Variants in SCN3A observed in about 807,000 individuals in gnomAD.
SCN3A encodes the protein sodium voltage-gated channel alpha subunit 3.
In SCN3A, 60 loss-of-function variants were observed where a neutral mutation model predicts 187.6. That is an observed-to-expected ratio of 0.32 (90% confidence interval 0.26 to 0.40). The LOEUF (loss-of-function observed/expected upper bound fraction) is 0.40. Ranked by LOEUF, SCN3A falls within the 10% of genes least tolerant of loss-of-function variation. SCN3A has a pLI of 1.00. For missense variants in SCN3A, 1,601 were observed against 2,428.2 expected, an observed-to-expected ratio of 0.66 and a Z score of 7.16; for synonymous variants, 788 against 829.2, an observed-to-expected ratio of 0.95 and a Z score of 0.85.
chr2:165,101,905 A>C lies in SCN3A; in HGVS notation c.3844-1481T>G, dbSNP rs116634302. On this transcript the variant is annotated intron_variant, in intron 21 of 27. Coordinates refer to ENST00000283254, the MANE Select transcript of SCN3A (RefSeq NM_006922.4). ...ATTTAGCATACATTTTAAGAATTGA[A>C]CAGAATAATACATGACTTGACTGCT... is the stretch of plus-strand genomic sequence containing the variant. 7.0e-3 allele frequency among the ~76,000 whole-genome samples: 1,068 copies of C among 152,334 alleles called. 6 individuals carry two copies. Among genetic ancestry groups the C allele is most frequent in the African/African-American group, 0.024 (1,000 of 41,566 alleles).
At chr2:165,182,025 T>C (rs975139689) in intron 2 of SCN3A, among the ~76,000 whole-genome samples, 14 of 152,356 alleles carry the variant, frequency 9.2e-5, no homozygotes, top group African/African-American at 3.1e-4. Context: ...TTGATGCTAC[T>C]GCATTGATTC....
At chr2:165,158,458 A>T (rs926255864) in intron 9 of SCN3A, among the ~76,000 whole-genome samples, 1 of 136,802 alleles carries the variant, frequency 7.3e-6, no homozygotes, top group Non-Finnish European at 1.5e-5. Flanking sequence ...TGTGTTATAA[A>T]GGTCTATGAG....
intron 18 of SCN3A, among the ~76,000 whole-genome samples, chr2:165,116,237 TGA>T (rs1455908658): frequency 1.3e-5 from 2 of 152,200 alleles, no homozygotes; most frequent in Non-Finnish European, 2.9e-5. Context: ...GAATTCTAAA[TGA>T]AATGGAAATT....
intron 18 of SCN3A, among the ~76,000 whole-genome samples, chr2:165,124,477 T>C (rs1242330451): frequency 6.6e-6 from 1 of 152,196 alleles, no homozygotes; most frequent in Non-Finnish European, 1.5e-5. Flanking sequence ...TTTATGCTAC[T>C]TTGTCTCTAG....
At chr2:165,200,858 A>G (rs576076734) in intron 1 of SCN3A, among the ~76,000 whole-genome samples, 1 of 152,242 alleles carries the variant, frequency 6.6e-6, no homozygotes, top group Non-Finnish European at 1.5e-5. Flanking sequence ...GGAGGAAAGC[A>G]GGGATTTTGC....
At chr2:165,115,375 T>A (rs1686317681) in intron 19 of SCN3A, 80 bp downstream of exon 19, 3 of 1,580,006 alleles carry the variant, frequency 1.9e-6, no homozygotes, top group Admixed American at 1.7e-5. Flanking sequence ...TTTCATAAAT[T>A]TTTTTTTTTA....
chr2:165,168,854 G>C (rs1689936354), intron 4 of SCN3A, 29 bp from the exon 5 acceptor site: 2 of 1,502,020 alleles, frequency 1.3e-6, no homozygotes, highest in Admixed American at 1.7e-5. Context: ...ATAAATGTTA[G>C]TAGGTTACCA....
rs1368171596 is a variant in SCN3A, at chr2:165,090,720, A to C, written c.5433T>G (p.Ser1811=). Residue 1811 remains serine, a synonymous_variant, in exon 28 of 28, where the codon TCT becomes TCG. Transcript: ENST00000283254. The surrounding 1 kb of genome is among the most constrained non-coding windows in gnomAD (Gnocchi z 4.0). ...GGGCAGCTGCAAAATCAGAGAGTTT[A>C]GAGAACTCTATAAACTGGGTCGCAT... ...DPDATQFIEF[S]KLSDFAAALD... is the part of the protein sequence containing the mutation. The C allele has an allele frequency of 1.2e-6, 2 of 1,614,012 alleles. No homozygotes were observed. Among genetic ancestry groups the C allele is most frequent in the Admixed American group, 3.3e-5 (2 of 59,982 alleles).
intron 2 of SCN3A, among the ~76,000 whole-genome samples, chr2:165,178,887 A>G (rs937577297): frequency 6.6e-6 from 1 of 152,186 alleles, no homozygotes. Flanking sequence ...GTCAATTTTG[A>G]TGATCACATC....
intron 2 of SCN3A, among the ~76,000 whole-genome samples, chr2:165,183,989 T>C (rs933147351): frequency 2.6e-5 from 4 of 152,118 alleles, no homozygotes; most frequent in African/African-American, 9.7e-5. Flanking sequence ...CAAGAGACTA[T>C]TATAGTAAGG....
chr2:165,190,160 T>C (rs1179449758), intron 1 of SCN3A, among the ~76,000 whole-genome samples: 3 of 152,138 alleles, frequency 2.0e-5, no homozygotes, highest in Non-Finnish European at 4.4e-5. Context: ...AGAGGTAACT[T>C]CAAATGGGCA....
At chr2:165,189,355 A>C (rs1337952953) in intron 1 of SCN3A, among the ~76,000 whole-genome samples, 2 of 152,190 alleles carry the variant, frequency 1.3e-5, no homozygotes, top group Admixed American at 6.5e-5. Flanking sequence ...GAAGGTGATG[A>C]GATAAGATGG....
At position 165,170,644 on chromosome 2, in the gene SCN3A, T is replaced by G. The variant is rs1252004008; in HGVS notation, c.265-96A>C. The stretch of plus-strand genomic sequence containing the variant: ...GAACTTTTTAAAAAATAGAATTTGT[T>G]TGTTCAAACTTGTTTGTTTAAACCA... On this transcript the variant is annotated intron_variant, in intron 3 of 27. Transcript: ENST00000283254. 9.2e-6 allele frequency: 7 copies of G among 762,158 alleles called. No individual in the cohort carries two copies. In the Middle Eastern group the frequency reaches 1.2e-3, roughly 130 times the overall value. 47.2% of individuals were successfully genotyped at this position (762,158 alleles called of 1,614,324 possible). A position where few individuals can be genotyped will look rare whatever the true frequency, so the allele number is the denominator to read the frequency against.
chr2:165,142,767 T>TTGTTC (rs1205581007), intron 12 of SCN3A, among the ~76,000 whole-genome samples: 10 of 119,842 alleles, frequency 8.3e-5, no homozygotes, highest in African/African-American at 2.9e-4. Context: ...TGTTGTTGTT[T>TTGTTC]TGAGGCAGAG....
At chr2:165,101,489 G>A (rs1685601105) in intron 21 of SCN3A, among the ~76,000 whole-genome samples, 1 of 151,966 alleles carries the variant, frequency 6.6e-6, no homozygotes, top group Non-Finnish European at 1.5e-5. Context: ...GAGTAGAATT[G>A]GCGATTTGAA....
In SCN3A at chr2:165,112,995, T is replaced by C; in HGVS notation, c.3733A>G (p.Lys1245Glu). 6.2e-7 allele frequency: 1 copy of C among 1,613,166 alleles called. No individual in the cohort carries two copies. ...TIKTMLEYAD[K>E]VFTYIFILEM... ...AGAATGAATATATAGGTAAAGACTT[T>C]GTCAGCATATTCTAGCATGGTTTTG... The change falls in exon 21 of 28, where the codon AAA becomes GAA. Residue 1245 changes from lysine to glutamate, a missense_variant. Physicochemically the swap from Lys to Glu is moderately conservative, Grantham distance 56. Transcript: ENST00000283254.
chr2:165,203,227 G>T (rs1692430955), intron 1 of SCN3A, among the ~76,000 whole-genome samples: 1 of 151,778 alleles, frequency 6.6e-6, no homozygotes. Context: ...GCATATTATG[G>T]AACATATAGA....
At chr2:165,141,811 C>G (rs976063012) in intron 12 of SCN3A, among the ~76,000 whole-genome samples, 3 of 152,174 alleles carry the variant, frequency 2.0e-5, no homozygotes, top group African/African-American at 4.8e-5. Flanking sequence ...ACTTCACCAG[C>G]AGGTGGTGTG....
At chr2:165,095,757 C>T (rs1685336319) in intron 24 of SCN3A, 109 bp from the exon 25 acceptor site, 3 of 614,852 alleles carry the variant, frequency 4.9e-6, no homozygotes, top group Admixed American at 3.1e-5. Context: ...TTTTGCCTTA[C>T]CCTGAGATAT....
Sources: allele counts gnomAD v4.1 joint callset (sites outside exome capture counted in the v4.1 genomes callset), GRCh38; gene constraint gnomAD v4.1.1; non-coding constraint Gnocchi (gnomAD v3.1); transcripts MANE v1.5; gene names NCBI Gene and HGNC (gene_info 2026-07-23, HGNC 2026-07-21).